Variants in MAPK4 observed in about 807,000 individuals in gnomAD.
The protein encoded by MAPK4 is mitogen-activated protein kinase 4, also known as Erk3-related.
A neutral mutation model predicts 47.7 loss-of-function variants in MAPK4; 22 were observed. That is an observed-to-expected ratio of 0.46 (90% CI 0.33 to 0.66). The LOEUF is 0.66. Ranked by LOEUF, MAPK4 falls within the 30% of genes least tolerant of loss-of-function variation. MAPK4 has a pLI of 0.02. For missense variants in MAPK4, 736 were observed against 831.7 expected, an observed-to-expected ratio of 0.88 and a Z score of 1.42; for synonymous variants, 390 against 365.7, an observed-to-expected ratio of 1.07 and a Z score of -0.76.
chr18:50,729,658 C>G lies in MAPK4; in HGVS notation c.1568C>G (p.Pro523Arg). The G allele has an allele frequency of 2.0e-6, 3 of 1,522,038 alleles. No homozygotes were observed. The highest frequency in any genetic ancestry group is 1.3e-5 in the South Asian group (1 of 79,808). 94.3% of individuals were successfully genotyped at this position (1,522,038 alleles called of 1,614,324 possible). ...DPERRLSASP[P>R]GRPAPVDGGA... ...GAGCGCCGCTTGTCTGCCTCGCCCC[C>G]CGGCCGCCCGGCCCCGGTGGACGGC... Residue 523 changes from proline (P) to arginine (R), a missense_variant, in exon 6 of 6, where the codon CCC becomes CGC. By Grantham distance (103) the Pro-to-Arg change is moderately radical. Transcript: ENST00000400384.
chr18:50,658,211 G>C (rs2043132347), intron 1 of MAPK4, among the ~76,000 whole-genome samples: 1 of 152,174 alleles, frequency 6.6e-6, no homozygotes, highest in Admixed American at 6.5e-5. Flanking sequence ...TTGAACAAAG[G>C]CTGAAAAGGT....
At chr18:50,565,576 G>A (rs1371215089) in intron 1 of MAPK4, among the ~76,000 whole-genome samples, 1 of 152,212 alleles carries the variant, frequency 6.6e-6, no homozygotes, top group African/African-American at 2.4e-5. Context: ...TGGGGAGCAA[G>A]TAATTTAAGT....
intron 2 of MAPK4, among the ~76,000 whole-genome samples, chr18:50,674,505 C>T (rs185904207): frequency 6.7e-4 from 102 of 152,218 alleles, no homozygotes; most frequent in African/African-American, 2.2e-3. Context: ...TCGCCTCATC[C>T]GCTGCCACTC....
At position 50,715,107 on chromosome 18, in the gene MAPK4, A is replaced by G. The variant is rs1395594119; in HGVS notation, c.575A>G (p.Lys192Arg). The part of the protein sequence containing the change: ...KGYLSEGLVT[K>R]WYRSPRLLLS... Reference sequence around the variant, plus strand: ...TATCTGTCAGAAGGGTTGGTAACAAAGTGGTACCGTTCCCCACGACTGCTC... The same window carrying G: ...TATCTGTCAGAAGGGTTGGTAACAAGGTGGTACCGTTCCCCACGACTGCTC... The change falls in exon 3 of 6, where the codon AAG (lysine) becomes AGG (arginine). Residue 192 changes from lysine (K) to arginine (R), a missense_variant. Physicochemically the swap from Lys to Arg is conservative, Grantham distance 26. Transcript: ENST00000400384. The G allele has an allele frequency of 1.2e-6, 2 of 1,614,018 alleles. No homozygotes were observed. The highest frequency in any genetic ancestry group is 2.2e-5 in the East Asian group (1 of 44,896).
chr18:50,704,562 C>G (rs766980671), intron 2 of MAPK4: 9 of 398,520 alleles, frequency 2.3e-5, no homozygotes, highest in Non-Finnish European at 3.5e-5. Flanking sequence ...TTGTGGGTCA[C>G]ATTCCAGAGC....
chr18:50,705,017 G>C, intron 2 of MAPK4: 8 of 370,452 alleles, frequency 2.2e-5, no homozygotes, highest in Non-Finnish European at 3.8e-5. Context: ...GTTGGTCCCA[G>C]GCAAGATTAG....
intron 3 of MAPK4, among the ~76,000 whole-genome samples, chr18:50,719,083 C>CA (rs11356183): frequency 0.8 from 98,891 of 124,084 alleles, 39,358 homozygotes; most frequent in Middle Eastern, 0.83. Context: ...GACTCCACCT[C>CA]AAAAAAAAAA....
intron 1 of MAPK4, among the ~76,000 whole-genome samples, chr18:50,609,481 G>T (rs1043176305): frequency 7.2e-5 from 11 of 152,090 alleles, no homozygotes; most frequent in Admixed American, 4.6e-4. Context: ...GACTTGCCAG[G>T]ACACACAGTC....
At chr18:50,562,093 C>T (rs2042158691) in intron 1 of MAPK4, among the ~76,000 whole-genome samples, 1 of 152,122 alleles carries the variant, frequency 6.6e-6, no homozygotes, top group Admixed American at 6.5e-5. Context: ...TGACCTAACT[C>T]CTAGAATTCT....
intron 2 of MAPK4, among the ~76,000 whole-genome samples, chr18:50,680,941 A>AC (rs1908552051): frequency 6.6e-6 from 1 of 152,176 alleles, no homozygotes; most frequent in African/African-American, 2.4e-5. Context: ...TTGGGTATAT[A>AC]CCTAGGAGCG....
chr18:50,591,236 C>G (rs2042434423), intron 1 of MAPK4, among the ~76,000 whole-genome samples: 1 of 151,948 alleles, frequency 6.6e-6, no homozygotes, highest in Admixed American at 6.6e-5. Context: ...TCACAGCAAC[C>G]CTATTAAGTG....
intron 1 of MAPK4, among the ~76,000 whole-genome samples, chr18:50,577,033 A>C (rs2042303862): frequency 6.6e-6 from 1 of 152,178 alleles, no homozygotes; most frequent in African/African-American, 2.4e-5. Context: ...ATGCTTTCCA[A>C]ACTTGTTTGC....
At chr18:50,656,403 C>T (rs896994186) in intron 1 of MAPK4, among the ~76,000 whole-genome samples, 7 of 152,168 alleles carry the variant, frequency 4.6e-5, no homozygotes, top group African/African-American at 1.4e-4. Flanking sequence ...TCTGAGAACT[C>T]ACAGGGATCC....
chr18:50,604,089 C>T (rs369972336), intron 1 of MAPK4, among the ~76,000 whole-genome samples: 11 of 152,030 alleles, frequency 7.2e-5, no homozygotes, highest in African/African-American at 2.4e-4. Flanking sequence ...AGTATAAGGA[C>T]AAGACAAGAA....
At chr18:50,607,847 A>G (rs946544681) in intron 1 of MAPK4, among the ~76,000 whole-genome samples, 3 of 152,186 alleles carry the variant, frequency 2.0e-5, no homozygotes, top group Non-Finnish European at 4.4e-5. Context: ...GTCATCTCTG[A>G]TGGGTTTAAA....
chr18:50,696,213 C>A (rs1416880212), intron 2 of MAPK4, among the ~76,000 whole-genome samples: 2 of 152,124 alleles, frequency 1.3e-5, no homozygotes, highest in South Asian at 4.1e-4. Context: ...TAGAAGGATT[C>A]ATAAAGAATT....
chr18:50,581,349 A>C (rs2042342522), intron 1 of MAPK4, among the ~76,000 whole-genome samples: 1 of 151,966 alleles, frequency 6.6e-6, no homozygotes, highest in Non-Finnish European at 1.5e-5. Flanking sequence ...TCAGCTTCCA[A>C]GGTCACTCAT....
chr18:50,642,982 TTAAC>T (rs752997735), intron 1 of MAPK4, among the ~76,000 whole-genome samples: 49 of 152,210 alleles, frequency 3.2e-4, no homozygotes, highest in Non-Finnish European at 6.2e-4. Flanking sequence ...GCTTTATTCG[TTAAC>T]TTTCATTTCT....
intron 1 of MAPK4, among the ~76,000 whole-genome samples, chr18:50,636,306 C>G (rs1347089145): frequency 6.6e-6 from 1 of 152,184 alleles, no homozygotes; most frequent in Non-Finnish European, 1.5e-5. Context: ...ATTATTTGAT[C>G]AATATCTCTC....
Sources: gnomAD v4.1 joint callset for allele counts (sites outside exome capture counted in the v4.1 genomes callset) on GRCh38, gnomAD v4.1.1 for gene constraint, MANE v1.5 for transcripts, NCBI Gene and HGNC (gene_info 2026-07-23, HGNC 2026-07-21) for gene names.